The following HEXA variants were observed in gnomAD, a reference collection of about 807,000 sequenced individuals.
HEXA encodes the protein hexosaminidase subunit alpha, also known as beta-hexosaminidase subunit alpha.
HEXA carries 54 observed loss-of-function variants against 73.3 expected under a neutral mutation model. That is an observed-to-expected ratio of 0.74 (90% confidence interval 0.59 to 0.92). The LOEUF is 0.92. Ranked by LOEUF, HEXA falls within the 40% of genes least tolerant of loss-of-function variation. HEXA has a pLI of 0.00. For missense variants in HEXA, 649 were observed against 653.0 expected (o/e 0.99, Z 0.07); for synonymous variants, 230 against 246.9 (o/e 0.93, Z 0.64).
chr15:72,367,536 C>T (rs2088933838), intron 1 of HEXA, among the ~76,000 whole-genome samples: 1 of 152,194 alleles, frequency 6.6e-6, no homozygotes, highest in South Asian at 2.1e-4. Context: ...TGCCTCTAAT[C>T]CCACTCTACA....
Position 72,350,603 on chromosome 15 carries a change from CT to C in HEXA, c.719del (p.Lys240ArgfsTer35), listed in dbSNP as rs747291156. ...VTHIYTAQDV[K>X]EVIEYARLRG... ...GGAGCCGTGCGTATTCAATGACCTCCTTCACATCCTGTGCTGTGTAGATGTG... is the reference window on the plus strand; with the variant it reads ...GGAGCCGTGCGTATTCAATGACCTCCTCACATCCTGTGCTGTGTAGATGTG... On this transcript the variant is annotated frameshift_variant, in exon 7 of 14. Transcript: ENST00000268097. LOFTEE classifies it high-confidence loss of function. 6.2e-7 allele frequency: 1 copy of C among 1,614,168 alleles called. No individual in the cohort carries two copies. Among genetic ancestry groups the C allele is most frequent in the South Asian group, 1.1e-5 (1 of 91,082 alleles).
At chr15:72,347,952 C>G (rs1327887097) in intron 9 of HEXA, 96 bp downstream of exon 9, 1 of 1,018,186 alleles carries the variant, frequency 9.8e-7, no homozygotes, top group Non-Finnish European at 1.5e-6. Context: ...CTGCAGGGAC[C>G]AGACAGTGGC....
intron 8 of HEXA, among the ~76,000 whole-genome samples, chr15:72,348,821 A>G (rs900642442): frequency 6.6e-5 from 10 of 152,320 alleles, no homozygotes; most frequent in East Asian, 3.9e-4. Context: ...TTCCAAGACA[A>G]TTCTGTGCCC....
Position 72,353,119 on chromosome 15 carries a change from C to T in HEXA, c.519G>A (p.Leu173=), listed in dbSNP as rs771696420. 1.2e-6 allele frequency: 2 copies of T among 1,613,850 alleles called. No individual in the cohort carries two copies. The highest frequency in any genetic ancestry group is 2.2e-5 in the East Asian group (1 of 44,876). ...GCAGGTAATGGCGAGATGTATCCAACAGCAAGCCCCGGTGAGGAAAGCGGG... is the reference window on the plus strand; with the variant it reads ...GCAGGTAATGGCGAGATGTATCCAATAGCAAGCCCCGGTGAGGAAAGCGGG... ...DFPRFPHRGL[L]LDTSRHYLPL... is the part of the protein sequence containing the mutation. The change falls in exon 5 of 14, where the codon CTG becomes CTA. Residue 173 remains leucine (L), a synonymous_variant. Transcript: ENST00000268097.
At chr15:72,344,174 C>G (rs1437686054) in intron 13 of HEXA, 34 bp from the exon 14 acceptor site, 1 of 1,592,474 alleles carries the variant, frequency 6.3e-7, no homozygotes, top group Admixed American at 1.7e-5. Flanking sequence ...GCAAGATAAG[C>G]CCCTCAGAAG....
chr15:72,353,950 G>T (rs1200469937), intron 3 of HEXA: 4 of 621,784 alleles, frequency 6.4e-6, no homozygotes, highest in Non-Finnish European at 1.2e-5. Flanking sequence ...GGAGATGTCA[G>T]AGTAAGGGTT....
At chr15:72,375,241 G>A (rs1293072092) in intron 1 of HEXA, among the ~76,000 whole-genome samples, 2 of 151,926 alleles carry the variant, frequency 1.3e-5, no homozygotes, top group South Asian at 2.1e-4. Context: ...GGCGCGCGCC[G>A]CCACGCCTGG....
chr15:72,371,121 C>G (rs2088986114), intron 1 of HEXA, among the ~76,000 whole-genome samples: 1 of 152,152 alleles, frequency 6.6e-6, no homozygotes. Flanking sequence ...TTCTCCCCAG[C>G]CCAGCTGCTT....
Position 72,351,167 on chromosome 15 carries a change from T to C in HEXA, c.638A>G (p.Tyr213Cys), listed in dbSNP as rs1403162016. 2 of 1,612,164 alleles carry C rather than the reference T, an allele frequency of 1.2e-6. No homozygotes were observed. The highest frequency in any genetic ancestry group is 2.2e-5 in the South Asian group (2 of 91,046). The change falls in exon 6 of 14, where the codon TAT becomes TGT. Residue 213 changes from tyrosine (Y) to cysteine (C), a missense_variant. By Grantham distance (194) the Tyr-to-Cys change is radical. Coordinates refer to ENST00000268097, the MANE Select transcript of HEXA (RefSeq NM_000520.6). ...GAGCTCTGGAAAAGTGAAGCTCTCA[T>C]ATGGGAAGGAAGGATCATCTACCAG... ...WHLVDDPSFP[Y>C]ESFTFPELMR...
intron 1 of HEXA, chr15:72,359,198 A>G (rs2088821695): frequency 1.3e-5 from 2 of 152,190 alleles, no homozygotes; most frequent in African/African-American, 4.8e-5. Flanking sequence ...CTTCCCTGTA[A>G]ACAATGGCAG....
intron 1 of HEXA, among the ~76,000 whole-genome samples, chr15:72,375,474 C>T (rs1231471445): frequency 2.0e-5 from 3 of 152,240 alleles, no homozygotes; most frequent in South Asian, 2.1e-4. Flanking sequence ...AGCTTGAACA[C>T]GGTCAGAAGG....
rs1320190226 is a variant in HEXA, at chr15:72,341,196, C to T, written c.*2881G>A. The T allele has an allele frequency of 6.6e-6, 1 of 152,128 alleles. No individual in the cohort carries two copies. The highest frequency in any genetic ancestry group is 6.6e-5 in the Admixed American group (1 of 15,256). 9.4% of individuals were successfully genotyped at this position (152,128 alleles called of 1,614,324 possible). A position where few individuals can be genotyped will look rare whatever the true frequency, so the allele number is the denominator to read the frequency against. ...CCTACATCCTTTCTTTCACCCTTTC[C>T]CAGTATCATTTCAGCTTTCCTCACA... On this transcript the variant is annotated 3_prime_UTR_variant, in exon 14 of 14. Coordinates refer to ENST00000268097, the MANE Select transcript of HEXA (RefSeq NM_000520.6).
At position 72,353,114 on chromosome 15, in the gene HEXA, TC is replaced by T. The variant is rs2088723411; in HGVS notation, c.523del (p.Asp175IlefsTer24). 1.2e-6 allele frequency: 2 copies of T among 1,613,550 alleles called. No homozygotes were observed. Among genetic ancestry groups the T allele is most frequent in the South Asian group, 2.2e-5 (2 of 91,080 alleles). On this transcript the variant is annotated frameshift_variant, in exon 5 of 14. Coordinates refer to ENST00000268097, the MANE Select transcript of HEXA (RefSeq NM_000520.6). LOFTEE classifies it high-confidence loss of function. ...GAGTGGCAGGTAATGGCGAGATGTA[TC>T]CAACAGCAAGCCCCGGTGAGGAAAG... ...PRFPHRGLLL[D>X]TSRHYLPLSS...
At chr15:72,367,610 CT>C (rs1208825674) in intron 1 of HEXA, among the ~76,000 whole-genome samples, 1 of 152,168 alleles carries the variant, frequency 6.6e-6, no homozygotes, top group Non-Finnish European at 1.5e-5. Flanking sequence ...CTTTACTGGC[CT>C]TCTTTGACCT....
In HEXA at chr15:72,344,028, G is replaced by A. The variant is rs759216964; in HGVS notation, c.*49C>T. 1 of 1,486,742 alleles carries A rather than the reference G, an allele frequency of 6.7e-7. No individual in the cohort carries two copies. Among genetic ancestry groups the A allele is most frequent in the Non-Finnish European group, 9.4e-7 (1 of 1,064,746 alleles). The allele number at this position is 1,486,742 out of a possible 1,614,324, so 92.1% of individuals were successfully genotyped here. A position where few individuals can be genotyped will look rare whatever the true frequency, so the allele number is the denominator to read the frequency against. On this transcript the variant is annotated 3_prime_UTR_variant, in exon 14 of 14. Transcript: ENST00000268097. ...CTGGCCAGGATGCAGTGGAAGCCTGGCTCCACTACCATTCACCTACAGCCA... is the reference window on the plus strand; with the variant it reads ...CTGGCCAGGATGCAGTGGAAGCCTGACTCCACTACCATTCACCTACAGCCA...
intron 2 of HEXA, among the ~76,000 whole-genome samples, chr15:72,356,163 T>C (rs1452139966): frequency 6.6e-6 from 1 of 152,216 alleles, no homozygotes; most frequent in Non-Finnish European, 1.5e-5. Context: ...ACTGGACTAA[T>C]GACTTAACTT....
intron 1 of HEXA, among the ~76,000 whole-genome samples, chr15:72,367,047 G>A (rs1434308734): frequency 1.3e-5 from 2 of 151,958 alleles, no homozygotes; most frequent in Admixed American, 6.6e-5. Context: ...GGATTCAAGC[G>A]ATTCTGCTGC....
At chr15:72,374,008 CAA>C (rs550464062) in intron 1 of HEXA, among the ~76,000 whole-genome samples, 12 of 68,188 alleles carry the variant, frequency 1.8e-4, no homozygotes, top group Admixed American at 3.2e-4. Flanking sequence ...GACTCCGTCT[CAA>C]AAAAAAAAAA....
rs1200993086 is a variant in HEXA, at chr15:72,343,791, T to TA, written c.*285dup. 3 of 410,064 alleles carry TA rather than the reference T, an allele frequency of 7.3e-6. No homozygotes were observed. The highest frequency in any genetic ancestry group is 1.4e-5 in the Non-Finnish European group (3 of 216,874). The allele number at this position is 410,064 out of a possible 1,614,324, so 25.4% of individuals were successfully genotyped here. On this transcript the variant is annotated 3_prime_UTR_variant, in exon 14 of 14. Transcript: ENST00000268097. ...TAGGTTTCATTCCCAGCCCTCAACTTAAAAGACCTCAGGGGCAGACACTGA... is the reference window on the plus strand; with the variant it reads ...TAGGTTTCATTCCCAGCCCTCAACTTAAAAAGACCTCAGGGGCAGACACTGA...
Sources: gnomAD v4.1 joint callset for allele counts (sites outside exome capture counted in the v4.1 genomes callset) on GRCh38, gnomAD v4.1.1 for gene constraint, MANE v1.5 for transcripts, NCBI Gene and HGNC (gene_info 2026-07-23, HGNC 2026-07-21) for gene names.